PTPRR: variants seen among roughly 807,000 people sequenced by gnomAD.
PTPRR encodes protein tyrosine phosphatase receptor type R, also known as receptor-type tyrosine-protein phosphatase R.
PTPRR carries 38 observed loss-of-function variants against 77.2 expected under a neutral mutation model. The observed-to-expected ratio is 0.49, with a 90% CI of 0.38 to 0.65. PTPRR has a LOEUF of 0.65. Ranked by LOEUF, PTPRR falls within the 30% of genes least tolerant of loss-of-function variation. The probability of loss-of-function intolerance (pLI) is 0.00; values close to 1 mark genes in which losing one functional copy is unlikely to be tolerated. For missense variants in PTPRR, 744 were observed against 799.2 expected (o/e 0.93, Z 0.83); for synonymous variants, 299 against 283.1 (o/e 1.06, Z -0.57).
chr12:70,910,860 A>G (rs1893689089), intron 1 of PTPRR, among the ~76,000 whole-genome samples: 1 of 152,188 alleles, frequency 6.6e-6, no homozygotes, highest in South Asian at 2.1e-4. Context: ...AGAGGCACTG[A>G]AAGAGCTGCC....
chr12:70,656,410 C>G (rs1396362365), intron 13 of PTPRR, among the ~76,000 whole-genome samples: 1 of 151,846 alleles, frequency 6.6e-6, no homozygotes, highest in Non-Finnish European at 1.5e-5. Flanking sequence ...CACCTGTAGT[C>G]CTAGCTACGT....
At chr12:70,911,961 C>G (rs963305333) in intron 1 of PTPRR, among the ~76,000 whole-genome samples, 1 of 152,138 alleles carries the variant, frequency 6.6e-6, no homozygotes, top group African/African-American at 2.4e-5. Flanking sequence ...TAACTCTCAA[C>G]TACTATGGAA....
chr12:70,889,187 A>G (rs1405150589), intron 2 of PTPRR, among the ~76,000 whole-genome samples: 3 of 152,240 alleles, frequency 2.0e-5, no homozygotes, highest in Admixed American at 1.3e-4. Context: ...GACTAAGCCC[A>G]TCCTTCGGGT....
At chr12:70,900,679 C>CA (rs1267353253) in intron 1 of PTPRR, among the ~76,000 whole-genome samples, 2 of 151,084 alleles carry the variant, frequency 1.3e-5, no homozygotes, top group African/African-American at 4.9e-5. Context: ...AATGTAATAC[C>CA]AAAAAAATTA....
intron 6 of PTPRR, among the ~76,000 whole-genome samples, chr12:70,702,434 A>G (rs371525857): frequency 1.3e-5 from 2 of 152,220 alleles, no homozygotes; most frequent in South Asian, 4.1e-4. Context: ...AAAACAGGCC[A>G]AAATATGTGA....
intron 2 of PTPRR, among the ~76,000 whole-genome samples, chr12:70,832,171 A>G (rs1892225006): frequency 6.6e-6 from 1 of 152,182 alleles, no homozygotes; most frequent in African/African-American, 2.4e-5. Flanking sequence ...GCATTAACAA[A>G]TGATTTTGTG....
chr12:70,882,871 T>C (rs1403791889), intron 2 of PTPRR, among the ~76,000 whole-genome samples: 1 of 152,214 alleles, frequency 6.6e-6, no homozygotes, highest in Non-Finnish European at 1.5e-5. Context: ...ATAGTTACTA[T>C]TTATTGAGTG....
At chr12:70,801,710 C>A (rs1891618157) in intron 2 of PTPRR, among the ~76,000 whole-genome samples, 1 of 151,988 alleles carries the variant, frequency 6.6e-6, no homozygotes, top group Non-Finnish European at 1.5e-5. Flanking sequence ...ACTTCTCAAC[C>A]TCCATAACCA....
intron 5 of PTPRR, among the ~76,000 whole-genome samples, chr12:70,753,565 G>T (rs1403904435): frequency 6.6e-6 from 1 of 152,002 alleles, no homozygotes; most frequent in Non-Finnish European, 1.5e-5. Flanking sequence ...TTTGTTTTGG[G>T]TTCTATTTTT....
chr12:70,788,073 T>C lies in PTPRR; in HGVS notation c.358-23295A>G, dbSNP rs1324855727. Among the ~76,000 whole-genome samples, 4 of 152,210 alleles carry C rather than the reference T, an allele frequency of 2.6e-5. No individual in the cohort carries two copies. The East Asian group carries it at 7.7e-4, about 29-fold the overall frequency. ...AAATAAAGTTAAGTGGAATAAACAT[T>C]GGGCGAGGTTTTTCACCTCAGGATA... On this transcript the variant is annotated intron_variant, in intron 2 of 13. Coordinates refer to ENST00000283228, the MANE Select transcript of PTPRR (RefSeq NM_002849.4).
At chr12:70,839,079 T>G (rs1452693699) in intron 2 of PTPRR, among the ~76,000 whole-genome samples, 1 of 152,120 alleles carries the variant, frequency 6.6e-6, no homozygotes, top group Non-Finnish European at 1.5e-5. Flanking sequence ...GTCCACTTCT[T>G]TTCTTTATCT....
At chr12:70,857,279 G>C (rs569706794) in intron 2 of PTPRR, among the ~76,000 whole-genome samples, 2 of 152,090 alleles carry the variant, frequency 1.3e-5, no homozygotes, top group Non-Finnish European at 2.9e-5. Context: ...AGGAAAGGCC[G>C]GAGAATATAG....
intron 5 of PTPRR, among the ~76,000 whole-genome samples, chr12:70,749,624 T>C (rs1307017103): frequency 6.6e-6 from 1 of 152,182 alleles, no homozygotes; most frequent in East Asian, 1.9e-4. Flanking sequence ...GAAAATTATG[T>C]CCACCTTTGA....
At position 70,882,300 on chromosome 12, in the gene PTPRR, T is replaced by C. The variant is rs542050717; in HGVS notation, c.357+10379A>G. 9.8e-5 allele frequency among the ~76,000 whole-genome samples: 15 copies of C among 152,320 alleles called. No individual in the cohort carries two copies. In the East Asian group the frequency reaches 2.9e-3, roughly 29 times the overall value. ...TTACTTGTTATTGCTGATTCCAAGA[T>C]TCTTTGCACCCCATCACTAGCTATG... On this transcript the variant is annotated intron_variant, in intron 2 of 13. Transcript: ENST00000283228.
chr12:70,880,550 C>A (rs1893131562), intron 2 of PTPRR, among the ~76,000 whole-genome samples: 1 of 152,042 alleles, frequency 6.6e-6, no homozygotes, highest in African/African-American at 2.4e-5. Context: ...TTATCATGTT[C>A]ATTTGTTTAC....
chr12:70,798,210 C>A (rs1229475623), intron 2 of PTPRR, among the ~76,000 whole-genome samples: 1 of 152,062 alleles, frequency 6.6e-6, no homozygotes, highest in Non-Finnish European at 1.5e-5. Flanking sequence ...CTTCCCTCAC[C>A]ACACCCACTC....
intron 6 of PTPRR, among the ~76,000 whole-genome samples, chr12:70,720,543 G>C (rs894710990): frequency 7.2e-6 from 1 of 139,532 alleles, no homozygotes; most frequent in Non-Finnish European, 1.5e-5. Flanking sequence ...ACAGGGTCTT[G>C]CTCTGTCGCC....
chr12:70,855,316 G>A (rs1257202264), intron 2 of PTPRR, among the ~76,000 whole-genome samples: 1 of 152,198 alleles, frequency 6.6e-6, no homozygotes, highest in Non-Finnish European at 1.5e-5. Flanking sequence ...GTTATCATAT[G>A]GGGTGAGTGA....
intron 2 of PTPRR, among the ~76,000 whole-genome samples, chr12:70,860,121 A>G (rs978160264): frequency 1.3e-5 from 2 of 152,114 alleles, no homozygotes; most frequent in African/African-American, 2.4e-5. Flanking sequence ...AAAAGGATAC[A>G]GTGACAGTTT....
Sources: allele counts gnomAD v4.1 joint callset (sites outside exome capture counted in the v4.1 genomes callset), GRCh38; gene constraint gnomAD v4.1.1; transcripts MANE v1.5; gene names NCBI Gene and HGNC (gene_info 2026-07-23, HGNC 2026-07-21).